ANKFN1: variants seen among roughly 807,000 people sequenced by gnomAD.
ANKFN1 encodes the protein ankyrin repeat and fibronectin type III domain containing 1.
In ANKFN1, 74 loss-of-function variants were observed where a neutral mutation model predicts 108.7. The ratio of observed to expected loss-of-function variants is 0.68; its 90% CI spans 0.56 to 0.83. The LOEUF (loss-of-function observed/expected upper bound fraction) is 0.83. Among genes scored for constraint, ANKFN1 ranks in the 40% least tolerant of loss-of-function variants. The pLI, the probability that ANKFN1 is intolerant of heterozygous loss-of-function variation, is 0.00. For synonymous variants in ANKFN1, 547 were observed against 516.2 expected (o/e 1.06, Z -0.81); for missense variants, 1,505 against 1,382.3 (o/e 1.09, Z -1.41).
chr17:56,049,841 G>T (rs1424322600), intron 4 of ANKFN1, among the ~76,000 whole-genome samples: 1 of 148,900 alleles, frequency 6.7e-6, no homozygotes, highest in South Asian at 2.2e-4. Flanking sequence ...GAATAATGCC[G>T]CAATAAACAT....
At chr17:56,233,346 A>T (rs1462781025) in intron 3 of ANKFN1, among the ~76,000 whole-genome samples, 2 of 152,068 alleles carry the variant, frequency 1.3e-5, no homozygotes, top group East Asian at 3.9e-4. Flanking sequence ...AAGCTCAGAC[A>T]TGCATTCGAA....
intron 15 of ANKFN1, among the ~76,000 whole-genome samples, chr17:56,476,347 G>C (rs945416727): frequency 6.6e-6 from 1 of 152,164 alleles, no homozygotes; most frequent in Non-Finnish European, 1.5e-5. Flanking sequence ...CAGTTGTATA[G>C]AGAATCAAAA....
chr17:56,119,913 G>A (rs1010161276), intron 4 of ANKFN1, among the ~76,000 whole-genome samples: 1 of 152,100 alleles, frequency 6.6e-6, no homozygotes, highest in South Asian at 2.1e-4. Context: ...CACATAGACA[G>A]CTCCCAATAA....
At chr17:56,463,248 A>G (rs540170917) in intron 14 of ANKFN1, among the ~76,000 whole-genome samples, 73 of 152,224 alleles carry the variant, frequency 4.8e-4, no homozygotes, top group Non-Finnish European at 8.1e-4. Flanking sequence ...ACAGATCATA[A>G]CACTAGGGCC....
intron 10 of ANKFN1, among the ~76,000 whole-genome samples, chr17:56,448,648 G>A (rs1371995643): frequency 6.6e-6 from 1 of 152,168 alleles, no homozygotes; most frequent in Non-Finnish European, 1.5e-5. Context: ...CACTGGGACT[G>A]TGGATTTCAT....
At chr17:56,376,871 C>T (rs1378809433) in intron 8 of ANKFN1, among the ~76,000 whole-genome samples, 2 of 152,068 alleles carry the variant, frequency 1.3e-5, no homozygotes, top group South Asian at 2.1e-4. Context: ...TTAACCTGAC[C>T]GTTCTCAAGG....
chr17:56,073,251 C>T (rs1905142654), intron 4 of ANKFN1, among the ~76,000 whole-genome samples: 1 of 152,202 alleles, frequency 6.6e-6, no homozygotes, highest in African/African-American at 2.4e-5. Context: ...CTCGGCCTCC[C>T]AAAGTGCTGG....
chr17:56,064,929 G>A (rs1440080633), intron 4 of ANKFN1, among the ~76,000 whole-genome samples: 2 of 152,168 alleles, frequency 1.3e-5, no homozygotes, highest in African/African-American at 2.4e-5. Context: ...CACCTAGGTA[G>A]CACATTCACT....
intron 1 of ANKFN1, among the ~76,000 whole-genome samples, chr17:56,162,989 C>T (rs779776531): frequency 8.0e-5 from 12 of 150,848 alleles, no homozygotes; most frequent in Non-Finnish European, 1.2e-4. Context: ...GAGCCGAGAT[C>T]GCGCCACTGC....
At chr17:56,219,386 A>G (rs1021773051) in intron 2 of ANKFN1, among the ~76,000 whole-genome samples, 1 of 152,022 alleles carries the variant, frequency 6.6e-6, no homozygotes, top group Non-Finnish European at 1.5e-5. Context: ...AGCTGGGACT[A>G]CAGGTGTGCA....
intron 4 of ANKFN1, among the ~76,000 whole-genome samples, chr17:56,100,656 C>T (rs1265322216): frequency 6.6e-6 from 1 of 152,180 alleles, no homozygotes; most frequent in East Asian, 1.9e-4. Context: ...TCAGAGGAGG[C>T]AGTAGGGTAA....
intron 3 of ANKFN1, among the ~76,000 whole-genome samples, chr17:56,234,282 A>C (rs968255595): frequency 6.6e-6 from 1 of 152,270 alleles, no homozygotes; most frequent in East Asian, 1.9e-4. Flanking sequence ...AAGCATAGGT[A>C]ATTTAAAATG....
intron 10 of ANKFN1, among the ~76,000 whole-genome samples, chr17:56,445,346 C>G (rs898775447): frequency 2.0e-5 from 3 of 152,210 alleles, no homozygotes; most frequent in Non-Finnish European, 2.9e-5. Context: ...GCTGCACGTT[C>G]CATTCAGACA....
chr17:56,353,347 C>A (rs957702116), intron 5 of ANKFN1, among the ~76,000 whole-genome samples: 1 of 151,880 alleles, frequency 6.6e-6, no homozygotes, highest in African/African-American at 2.4e-5. Context: ...GGTGATCCTC[C>A]TGCCTCAACC....
intron 8 of ANKFN1, among the ~76,000 whole-genome samples, chr17:56,435,794 A>G (rs1391065060): frequency 2.0e-5 from 3 of 151,994 alleles, no homozygotes; most frequent in Non-Finnish European, 4.4e-5. Context: ...GCATTGCTGC[A>G]CTGTTTTATC....
At chr17:56,235,933 A>G (rs991569895) in intron 3 of ANKFN1, among the ~76,000 whole-genome samples, 4 of 152,196 alleles carry the variant, frequency 2.6e-5, no homozygotes, top group Non-Finnish European at 5.9e-5. Context: ...GAATCTGCAA[A>G]TCACTTTAGG....
At chr17:56,435,623 T>A (rs550385740) in intron 8 of ANKFN1, among the ~76,000 whole-genome samples, 4 of 152,260 alleles carry the variant, frequency 2.6e-5, no homozygotes, top group Admixed American at 2.6e-4. Context: ...GATGTTTGGT[T>A]AAGACGAAGG....
chr17:56,277,438 G>T (rs2043963304), intron 3 of ANKFN1, among the ~76,000 whole-genome samples: 1 of 151,930 alleles, frequency 6.6e-6, no homozygotes, highest in African/African-American at 2.4e-5. Context: ...TAATAATAAT[G>T]CTAATTATAA....
intron 4 of ANKFN1, among the ~76,000 whole-genome samples, chr17:56,124,982 C>T (rs143916871): frequency 1.3e-3 from 202 of 152,288 alleles, no homozygotes; most frequent in African/African-American, 4.6e-3. Context: ...TGCAAATAAC[C>T]AGTCACTTGT....
Sources: allele counts gnomAD v4.1 joint callset (sites outside exome capture counted in the v4.1 genomes callset), GRCh38; gene constraint gnomAD v4.1.1; transcripts MANE v1.5; gene names NCBI Gene and HGNC (gene_info 2026-07-23, HGNC 2026-07-21).